The following SRPK2 variants were observed in gnomAD, a reference collection of about 807,000 sequenced individuals.
The protein encoded by SRPK2 is SFRS protein kinase 2.
A neutral mutation model predicts 90.8 loss-of-function variants in SRPK2; 21 were observed. The observed-to-expected ratio is 0.23, with a 90% CI of 0.16 to 0.33. The LOEUF (loss-of-function observed/expected upper bound fraction) is 0.33. SRPK2 is among the 10% of genes least tolerant of loss of function. SRPK2 has a pLI of 1.00. For synonymous variants in SRPK2, 288 were observed against 311.1 expected, an observed-to-expected ratio of 0.93 and a Z score of 0.78; for missense variants, 620 against 869.0, an observed-to-expected ratio of 0.71 and a Z score of 3.60.
intron 2 of SRPK2, among the ~76,000 whole-genome samples, chr7:105,320,563 C>T (rs1451025428): frequency 6.6e-6 from 1 of 152,010 alleles, no homozygotes; most frequent in Non-Finnish European, 1.5e-5. Context: ...TGTAAGGCGA[C>T]CCATAAAAAT....
Position 105,250,385 on chromosome 7 carries a change from C to G in SRPK2, c.72-46600G>C, listed in dbSNP as rs60947765. On this transcript the variant is annotated intron_variant, in intron 2 of 15. Transcript: ENST00000393651. ...AAACAAACATACTTTGTACCACATG[C>G]CCTTACATGCAAACAATGCAAGAAA... 5.2e-3 allele frequency among the ~76,000 whole-genome samples: 777 copies of G among 149,326 alleles called. 12 individuals carry two copies. In the East Asian group the frequency reaches 0.055, roughly 11 times the overall value.
At chr7:105,137,033 G>T (rs1456312668) in intron 11 of SRPK2, among the ~76,000 whole-genome samples, 1 of 152,192 alleles carries the variant, frequency 6.6e-6, no homozygotes, top group East Asian at 1.9e-4. Context: ...AGAGAAAGGA[G>T]ATGGATAATG....
At chr7:105,321,309 T>C (rs1289926775) in intron 2 of SRPK2, among the ~76,000 whole-genome samples, 1 of 152,160 alleles carries the variant, frequency 6.6e-6, no homozygotes, top group South Asian at 2.1e-4. Context: ...TCCTCGTACC[T>C]TATACAAAAA....
chr7:105,127,442 T>C (rs1234188024), intron 13 of SRPK2, among the ~76,000 whole-genome samples: 3 of 152,226 alleles, frequency 2.0e-5, no homozygotes, highest in African/African-American at 4.8e-5. Context: ...TCAACCACTA[T>C]AATAGCCTTG....
chr7:105,376,103 T>C (rs1820261252), intron 2 of SRPK2, among the ~76,000 whole-genome samples: 1 of 145,440 alleles, frequency 6.9e-6, no homozygotes, highest in Non-Finnish European at 1.5e-5. Flanking sequence ...CACACCATTC[T>C]CCTGCCTCAG....
At chr7:105,158,321 C>T (rs931568081) in intron 7 of SRPK2, among the ~76,000 whole-genome samples, 8 of 151,100 alleles carry the variant, frequency 5.3e-5, no homozygotes, top group African/African-American at 1.9e-4. Flanking sequence ...GTGGCATGAT[C>T]TCAGCTCACT....
At chr7:105,267,766 C>A (rs1805294638) in intron 2 of SRPK2, among the ~76,000 whole-genome samples, 1 of 152,104 alleles carries the variant, frequency 6.6e-6, no homozygotes, top group Admixed American at 6.5e-5. Flanking sequence ...GGTTCTTCAA[C>A]TCATTTTTTT....
intron 3 of SRPK2, among the ~76,000 whole-genome samples, chr7:105,177,488 G>A (rs1218381326): frequency 2.0e-5 from 3 of 152,010 alleles, no homozygotes; most frequent in Non-Finnish European, 4.4e-5. Flanking sequence ...AAAACAAATA[G>A]GTAAATGTCA....
intron 2 of SRPK2, among the ~76,000 whole-genome samples, chr7:105,267,819 C>T (rs1805302352): frequency 6.6e-6 from 1 of 151,952 alleles, no homozygotes. Flanking sequence ...CATTATTTCT[C>T]CATTATTTTT....
chr7:105,333,826 T>C lies in SRPK2; in HGVS notation c.71+54822A>G, dbSNP rs571432779. On this transcript the variant is annotated intron_variant, in intron 2 of 15. Coordinates refer to ENST00000393651, the MANE Select transcript of SRPK2 (RefSeq NM_182692.3). ...AATAACTGATCTAAATACCAACTAA[T>C]ATACTATATTTATACCATTATAACA... 2.0e-5 allele frequency among the ~76,000 whole-genome samples: 3 copies of C among 152,346 alleles called. No individual in the cohort carries two copies. The East Asian group carries it at 5.8e-4, about 29-fold the overall frequency.
At chr7:105,238,102 G>A (rs2299320) in intron 2 of SRPK2, among the ~76,000 whole-genome samples, 27,838 of 152,060 alleles carry the variant, frequency 0.18, 3,147 homozygotes, top group East Asian at 0.55. Flanking sequence ...AGGCTGAATC[G>A]TGCAGGGTAA....
chr7:105,196,713 C>G (rs940994659), intron 3 of SRPK2, among the ~76,000 whole-genome samples: 1 of 152,154 alleles, frequency 6.6e-6, no homozygotes, highest in African/African-American at 2.4e-5. Context: ...GTACAAATAT[C>G]AATTCTAAAG....
intron 2 of SRPK2, among the ~76,000 whole-genome samples, chr7:105,229,664 T>C (rs781225393): frequency 6.6e-6 from 1 of 152,130 alleles, no homozygotes; most frequent in Admixed American, 6.5e-5. Context: ...TATCATAGAG[T>C]AGGAATAAGT....
At chr7:105,183,168 AATC>A (rs1793108437) in intron 3 of SRPK2, among the ~76,000 whole-genome samples, 2 of 152,206 alleles carry the variant, frequency 1.3e-5, no homozygotes, top group Admixed American at 1.3e-4. Flanking sequence ...TTTTATGACT[AATC>A]ATCTTTTTTT....
intron 7 of SRPK2, 196 bp downstream of exon 7, chr7:105,160,311 C>G: frequency 2.7e-6 from 1 of 375,178 alleles, no homozygotes; most frequent in Non-Finnish European, 4.8e-6. Context: ...GTTCCCTTCA[C>G]AACACAAAAT....
intron 2 of SRPK2, among the ~76,000 whole-genome samples, chr7:105,256,961 T>C (rs1367246926): frequency 6.6e-6 from 1 of 152,226 alleles, no homozygotes; most frequent in Non-Finnish European, 1.5e-5. Flanking sequence ...CAATTCTTTC[T>C]AAGGAGTGCC....
intron 3 of SRPK2, among the ~76,000 whole-genome samples, chr7:105,179,011 T>C (rs888940940): frequency 1.7e-4 from 26 of 152,214 alleles, no homozygotes; most frequent in Middle Eastern, 3.4e-3. Flanking sequence ...ATAAGGAAAA[T>C]AGTGTTTTCT....
rs374198950 is a variant in SRPK2, at chr7:105,365,487, C to CAAAAA, written c.71+23156_71+23160dup. ...GGGCAACAAGAGCGAAATTCTGTCT[C>CAAAAA]AAAAAAAAAAAAAAAAAAAAAATTA... On this transcript the variant is annotated intron_variant, in intron 2 of 15. Coordinates refer to ENST00000393651, the MANE Select transcript of SRPK2 (RefSeq NM_182692.3). 3.7e-4 allele frequency among the ~76,000 whole-genome samples: 26 copies of CAAAAA among 69,670 alleles called. 1 individual carries two copies. Among genetic ancestry groups the CAAAAA allele is most frequent in the African/African-American group, 1.4e-3 (26 of 18,618 alleles). The allele number at this position is 69,670 out of a possible 152,430, so 45.7% of individuals were successfully genotyped here.
Position 105,143,341 on chromosome 7 carries a change from GA to G in SRPK2, c.814-12del. On this transcript the variant is annotated splice_polypyrimidine_tract_variant and intron_variant, in intron 9 of 15. Coordinates refer to ENST00000393651, the MANE Select transcript of SRPK2 (RefSeq NM_182692.3). ...AGATATTTTTCCTATCTATGTTAAGGAAAGACCACAGGTCAGTATTCTTCTT... is the reference window on the plus strand; with the variant it reads ...AGATATTTTTCCTATCTATGTTAAGGAAGACCACAGGTCAGTATTCTTCTT... 1.2e-6 allele frequency: 2 copies of G among 1,607,740 alleles called. No individual in the cohort carries two copies. Among genetic ancestry groups the G allele is most frequent in the South Asian group, 1.1e-5 (1 of 90,350 alleles).
Sources: gnomAD v4.1 joint callset for allele counts (sites outside exome capture counted in the v4.1 genomes callset) on GRCh38, gnomAD v4.1.1 for gene constraint, MANE v1.5 for transcripts, NCBI Gene and HGNC (gene_info 2026-07-23, HGNC 2026-07-21) for gene names.